DTNA: variants seen among roughly 807,000 people sequenced by gnomAD.
The protein encoded by DTNA is dystrophin-related protein 3.
DTNA carries 43 observed loss-of-function variants against 100.7 expected under a neutral mutation model. That is an observed-to-expected ratio of 0.43 (90% confidence interval 0.33 to 0.55). The LOEUF (loss-of-function observed/expected upper bound fraction) is 0.55. DTNA is among the 20% of genes least tolerant of loss of function. The pLI, the probability that DTNA is intolerant of heterozygous loss-of-function variation, is 0.04. For synonymous variants in DTNA, 349 were observed against 347.9 expected, an observed-to-expected ratio of 1.00 and a Z score of -0.04; for missense variants, 798 against 953.9, an observed-to-expected ratio of 0.84 and a Z score of 2.15.
intron 1 of DTNA, among the ~76,000 whole-genome samples, chr18:34,697,476 A>G (rs1049880363): frequency 1.3e-5 from 2 of 152,196 alleles, no homozygotes; most frequent in Admixed American, 6.5e-5. Context: ...ATCATGGCCT[A>G]TGATTCCATT....
chr18:34,870,506 C>T (rs1353032637), intron 17 of DTNA, among the ~76,000 whole-genome samples: 1 of 152,128 alleles, frequency 6.6e-6, no homozygotes, highest in Non-Finnish European at 1.5e-5. Flanking sequence ...GTCTAGTGTT[C>T]AAAAACATAC....
chr18:34,812,515 G>A (rs1461695949), intron 6 of DTNA, among the ~76,000 whole-genome samples: 1 of 152,182 alleles, frequency 6.6e-6, no homozygotes, highest in African/African-American at 2.4e-5. Context: ...GTGAAGGGAA[G>A]CAAAGACCTA....
Position 34,887,905 on chromosome 18 carries a change from G to A in DTNA, c.*171G>A. ...GGAACCACCACACCCAGCAGCTCCT[G>A]ACAGACCCCCACCCCTAAAGATGTG... On this transcript the variant is annotated 3_prime_UTR_variant, in exon 23 of 23. Coordinates refer to ENST00000444659, the MANE Select transcript of DTNA (RefSeq NM_001386795.1). 1.0e-6 allele frequency: 1 copy of A among 986,822 alleles called. No homozygotes were observed. The highest frequency in any genetic ancestry group is 1.2e-6 in the Non-Finnish European group (1 of 830,264). The allele number at this position is 986,822 out of a possible 1,614,324, so 61.1% of individuals were successfully genotyped here. A position where few individuals can be genotyped will look rare whatever the true frequency, so the allele number is the denominator to read the frequency against.
chr18:34,806,559 A>G (rs536079502), intron 5 of DTNA, among the ~76,000 whole-genome samples: 1 of 152,350 alleles, frequency 6.6e-6, no homozygotes, highest in African/African-American at 2.4e-5. Context: ...CTGAAATTAA[A>G]GTAAAATAAG....
intron 3 of DTNA, among the ~76,000 whole-genome samples, chr18:34,769,366 T>C (rs974756828): frequency 6.6e-6 from 1 of 152,212 alleles, no homozygotes; most frequent in Non-Finnish European, 1.5e-5. Context: ...TTAGTCAACA[T>C]TGAATATATT....
chr18:34,867,055 G>A, intron 17 of DTNA: 2 of 1,228,374 alleles, frequency 1.6e-6, no homozygotes, highest in Non-Finnish European at 2.0e-6. Flanking sequence ...AATTTCAAGT[G>A]CATGTACCAC....
chr18:34,602,781 G>A (rs898342732), intron 1 of DTNA, among the ~76,000 whole-genome samples: 2 of 151,860 alleles, frequency 1.3e-5, no homozygotes, highest in African/African-American at 2.4e-5. Flanking sequence ...GGAGGCCGCC[G>A]GATCAGGAGA....
chr18:34,546,727 C>A (rs1195769668), intron 1 of DTNA, among the ~76,000 whole-genome samples: 2 of 151,790 alleles, frequency 1.3e-5, no homozygotes, highest in Admixed American at 6.6e-5. Flanking sequence ...AATTACCTGC[C>A]CTTATTTTTT....
chr18:34,652,732 G>A lies in DTNA; in HGVS notation c.-1-103244G>A, dbSNP rs114615698. 7.2e-3 allele frequency among the ~76,000 whole-genome samples: 1,090 copies of A among 152,090 alleles called. 13 individuals carry two copies. Among genetic ancestry groups the A allele is most frequent in the African/African-American group, 0.025 (1,040 of 41,496 alleles). On this transcript the variant is annotated intron_variant, in intron 1 of 19. Coordinates refer to the DTNA transcript ENST00000283365. ...TCTCTGAAGTCCTAATATCCTAAAC[G>A]TGCCTCTCTTCTGTCTGCTGCCACT...
intron 1 of DTNA, among the ~76,000 whole-genome samples, chr18:34,552,788 T>C (rs1354871223): frequency 6.7e-6 from 1 of 149,856 alleles, no homozygotes; most frequent in Non-Finnish European, 1.5e-5. Context: ...TGTTGGACAT[T>C]TGGGTTGGTT....
chr18:34,566,097 T>C (rs2047058868), intron 1 of DTNA, among the ~76,000 whole-genome samples: 3 of 152,040 alleles, frequency 2.0e-5, no homozygotes, highest in Admixed American at 6.5e-5. Flanking sequence ...AAGTCCTGGG[T>C]TGGACAGAAG....
At chr18:34,624,228 T>C (rs2056984969) in intron 1 of DTNA, among the ~76,000 whole-genome samples, 1 of 152,234 alleles carries the variant, frequency 6.6e-6, no homozygotes, top group African/African-American at 2.4e-5. Flanking sequence ...CAATTTCAAT[T>C]CACTTTTGCC....
At chr18:34,701,075 C>G (rs1409555951) in intron 1 of DTNA, among the ~76,000 whole-genome samples, 1 of 152,170 alleles carries the variant, frequency 6.6e-6, no homozygotes, top group African/African-American at 2.4e-5. Context: ...TAGTGGACCA[C>G]TCAGCAGGTA....
At chr18:34,652,899 C>T (rs1427102684) in intron 1 of DTNA, among the ~76,000 whole-genome samples, 1 of 152,146 alleles carries the variant, frequency 6.6e-6, no homozygotes, top group Non-Finnish European at 1.5e-5. Context: ...CTGCAAAGTT[C>T]ATAGTAAATA....
intron 6 of DTNA, 118 bp downstream of exon 6, chr18:34,812,231 T>C: frequency 6.9e-7 from 1 of 1,448,212 alleles, no homozygotes. Context: ...GCAACCTGTA[T>C]TGTATTTTTC....
At chr18:34,728,558 T>G (rs757868020) in intron 1 of DTNA, among the ~76,000 whole-genome samples, 18 of 152,078 alleles carry the variant, frequency 1.2e-4, no homozygotes, top group Non-Finnish European at 2.6e-4. Context: ...TAAAATAAAG[T>G]ATTTTTCTCA....
intron 1 of DTNA, among the ~76,000 whole-genome samples, chr18:34,729,128 AG>A (rs1165438197): frequency 1.3e-5 from 2 of 152,272 alleles, no homozygotes; most frequent in African/African-American, 4.8e-5. Flanking sequence ...AGGAACTCAT[AG>A]GTATAATACC....
chr18:34,520,322 C>G (rs1374008063), intron 1 of DTNA, among the ~76,000 whole-genome samples: 1 of 152,134 alleles, frequency 6.6e-6, no homozygotes, highest in Non-Finnish European at 1.5e-5. Flanking sequence ...GATTGAGTCA[C>G]TTGACCCAAA....
intron 17 of DTNA, among the ~76,000 whole-genome samples, chr18:34,865,136 G>A (rs1294692020): frequency 6.6e-6 from 1 of 152,172 alleles, no homozygotes; most frequent in African/African-American, 2.4e-5. Flanking sequence ...AATGGTAAAG[G>A]GAAGACCCTG....
Sources: gnomAD v4.1 joint callset for allele counts (sites outside exome capture counted in the v4.1 genomes callset) on GRCh38, gnomAD v4.1.1 for gene constraint, MANE v1.5 for transcripts, NCBI Gene and HGNC (gene_info 2026-07-23, HGNC 2026-07-21) for gene names.